The following SULF2 variants were observed in gnomAD, a reference collection of about 807,000 sequenced individuals.
SULF2 encodes the protein sulfatase 2, also known as extracellular sulfatase Sulf-2.
SULF2 carries 52 observed loss-of-function variants against 107.7 expected under a neutral mutation model. The observed-to-expected ratio is 0.48, with a 90% CI of 0.39 to 0.61. SULF2 has a LOEUF of 0.61. Among genes scored for constraint, SULF2 ranks in the 20% least tolerant of loss-of-function variants. SULF2 has a pLI of 0.00. For synonymous variants in SULF2, 460 were observed against 464.3 expected (o/e 0.99, Z 0.12); for missense variants, 993 against 1,177.3 (o/e 0.84, Z 2.29).
rs145532457 is a variant in SULF2 at position 47,663,109 on chromosome 20, G to A, written c.2331C>T (p.Gly777=). Residue 777 remains glycine (G), a synonymous_variant, in exon 17 of 21, where the codon GGC becomes GGT. Transcript: ENST00000688720. ...HNFLFCEFAT[G]FLEYFDLNTD... ...TGTTGAGATCAAAGTACTCTAGGAA[G>A]CCAGTTGCAAATTCACAGAAGAGGA... is the stretch of plus-strand genomic sequence containing the variant. 11 of 1,614,020 alleles carry A rather than the reference G, an allele frequency of 6.8e-6. No individual in the cohort carries two copies.
intron 4 of SULF2, among the ~76,000 whole-genome samples, chr20:47,698,919 T>A (rs1039058944): frequency 1.3e-5 from 2 of 152,100 alleles, no homozygotes; most frequent in African/African-American, 4.8e-5. Context: ...TAATCCCAGC[T>A]ACTCAGGAGG....
chr20:47,681,261 T>C (rs764396462), intron 7 of SULF2, among the ~76,000 whole-genome samples: 1 of 152,232 alleles, frequency 6.6e-6, no homozygotes, highest in Non-Finnish European at 1.5e-5. Context: ...AGTTACTGTG[T>C]TCCTTTTATC....
chr20:47,677,169 A>G, intron 8 of SULF2, 35 bp from the exon 9 acceptor site: 1 of 1,611,924 alleles, frequency 6.2e-7, no homozygotes, highest in Non-Finnish European at 8.5e-7. Context: ...TCTCAGCAAC[A>G]TGAGGGCTTC....
rs147031935 is a variant in SULF2 at position 47,704,074 on chromosome 20, G to C, written c.416-1404C>G. Among the ~76,000 whole-genome samples, 152 of 152,258 alleles carry C rather than the reference G, an allele frequency of 1.0e-3. No individual in the cohort carries two copies. In the Middle Eastern group the frequency reaches 0.01, roughly 10 times the overall value. On this transcript the variant is annotated intron_variant, in intron 3 of 20. Coordinates refer to ENST00000688720, the MANE Select transcript of SULF2 (RefSeq NM_001387048.1). ...GATGATCTTGTTCTATTTCTTGCTG[G>C]AGCAGGTGGTTCAGTTGGTGACACC...
rs377595145 is a variant in SULF2 at position 47,728,289 on chromosome 20, A to T, written c.415+8414T>A. On this transcript the variant is annotated intron_variant, in intron 3 of 20. Transcript: ENST00000688720. ...GAGCAGGGAGCAAACCCAGGAGAAG[A>T]GCCAAGCAAAGAGAAGGCTGCCATT... Among the ~76,000 whole-genome samples, 15 of 152,232 alleles carry T rather than the reference A, an allele frequency of 9.9e-5. No homozygotes were observed. In the East Asian group the frequency reaches 2.3e-3, roughly 24 times the overall value.
intron 1 of SULF2, among the ~76,000 whole-genome samples, chr20:47,779,070 C>CA (rs1176074761): frequency 3.9e-5 from 6 of 152,176 alleles, no homozygotes; most frequent in Non-Finnish European, 8.8e-5. Context: ...TCCTCCTCCC[C>CA]AAAACCTTCT....
At chr20:47,708,498 G>C (rs2088821926) in intron 3 of SULF2, among the ~76,000 whole-genome samples, 1 of 152,174 alleles carries the variant, frequency 6.6e-6, no homozygotes, top group South Asian at 2.1e-4. Context: ...TGCCTTTTGT[G>C]CATTTTCCTG....
chr20:47,738,708 A>G (rs2089805901), intron 2 of SULF2, among the ~76,000 whole-genome samples: 1 of 152,214 alleles, frequency 6.6e-6, no homozygotes, highest in African/African-American at 2.4e-5. Flanking sequence ...ACCGCCATGT[A>G]AGATGTGCCT....
Position 47,703,056 on chromosome 20 carries a change from T to C in SULF2, c.416-386A>G, listed in dbSNP as rs553184099. 2.9e-4 allele frequency among the ~76,000 whole-genome samples: 44 copies of C among 152,236 alleles called. 2 individuals are homozygous for C. The highest frequency in any genetic ancestry group is 2.1e-3 in the East Asian group (11 of 5,186). Reference sequence around the variant, plus strand: ...CTCAGCCTCCCGAGTAATCCTCAGCTGGGATTACAGGCGTCTGCCACCATG... The same window carrying C: ...CTCAGCCTCCCGAGTAATCCTCAGCCGGGATTACAGGCGTCTGCCACCATG... On this transcript the variant is annotated intron_variant, in intron 3 of 20. Coordinates refer to ENST00000688720, the MANE Select transcript of SULF2 (RefSeq NM_001387048.1).
chr20:47,725,933 C>T (rs1299057388), intron 3 of SULF2, among the ~76,000 whole-genome samples: 1 of 152,228 alleles, frequency 6.6e-6, no homozygotes, highest in Non-Finnish European at 1.5e-5. Flanking sequence ...CCTGCTGGCC[C>T]CGGGATGGAT....
At position 47,658,305 on chromosome 20, in the gene SULF2, T is replaced by C; in HGVS notation, c.*57A>G. On this transcript the variant is annotated 3_prime_UTR_variant, in exon 21 of 21. Transcript: ENST00000688720. ...TGGAAATCACCCACATGGTTTTTCA[T>C]TGCCTGTGCAGTCAGGTGATGCCTC... 3.8e-6 allele frequency: 6 copies of C among 1,589,994 alleles called. No individual in the cohort carries two copies. The highest frequency in any genetic ancestry group is 5.2e-6 in the Non-Finnish European group (6 of 1,158,004).
intron 11 of SULF2, among the ~76,000 whole-genome samples, chr20:47,668,997 C>G (rs1213369226): frequency 6.6e-6 from 1 of 152,214 alleles, no homozygotes; most frequent in Admixed American, 6.5e-5. Flanking sequence ...CATTAAATGT[C>G]CATTGAGCGC....
Position 47,668,113 on chromosome 20 carries a change from C to T in SULF2, c.1577-1625G>A, listed in dbSNP as rs73624693. Among the ~76,000 whole-genome samples, 38 of 152,306 alleles carry T rather than the reference C, an allele frequency of 2.5e-4. No individual in the cohort carries two copies. In the East Asian group the frequency reaches 5.8e-3, roughly 23 times the overall value. On this transcript the variant is annotated intron_variant, in intron 11 of 20. Coordinates refer to ENST00000688720, the MANE Select transcript of SULF2 (RefSeq NM_001387048.1). ...TCCCTGTGCCAAGCAGGTCCTGCCC[C>T]GAGAGGCTCAGGAAATAGACCCAGC...
intron 20 of SULF2, among the ~76,000 whole-genome samples, 180 bp from the exon 21 acceptor site, chr20:47,658,572 C>A (rs976958077): frequency 1.3e-5 from 2 of 152,128 alleles, no homozygotes; most frequent in African/African-American, 4.8e-5. Flanking sequence ...ACTTATACAC[C>A]CAATGCCTGG....
intron 10 of SULF2, among the ~76,000 whole-genome samples, 198 bp downstream of exon 10, chr20:47,676,296 A>G (rs1018368662): frequency 1.3e-5 from 2 of 152,234 alleles, no homozygotes; most frequent in African/African-American, 2.4e-5. Context: ...TCAGGGTCCA[A>G]AGGCTGCTGA....
rs1456593445 is a variant in SULF2, at chr20:47,677,429, T to TGC, written c.1194-297_1194-296dup. On this transcript the variant is annotated intron_variant, in intron 8 of 20. Coordinates refer to ENST00000688720, the MANE Select transcript of SULF2 (RefSeq NM_001387048.1). ...GTGTGTGTGTGTGTGTGTGTGTGTG[T>TGC]GCGCGCACACACATCTCAAGCCCCT... Among the ~76,000 whole-genome samples, 37 of 148,700 alleles carry TGC rather than the reference T, an allele frequency of 2.5e-4. 1 individual carries two copies. The South Asian group carries it at 3.2e-3, about 13-fold the overall frequency.
chr20:47,688,211 C>T, intron 5 of SULF2, among the ~76,000 whole-genome samples: 1 of 152,172 alleles, frequency 6.6e-6, no homozygotes, highest in East Asian at 1.9e-4. Flanking sequence ...CGCCCCGGCT[C>T]TGTCCCCTCT....
chr20:47,745,498 A>G (rs6094806), intron 2 of SULF2, among the ~76,000 whole-genome samples: 31,076 of 122,678 alleles, frequency 0.25, 5,795 homozygotes, highest in African/African-American at 0.45. Flanking sequence ...CTTGACATAC[A>G]GAAAGCACTT....
intron 16 of SULF2, 33 bp downstream of exon 16, chr20:47,663,420 C>T: frequency 6.2e-7 from 1 of 1,604,056 alleles, no homozygotes; most frequent in Non-Finnish European, 8.5e-7. Context: ...CCCTGGGCCT[C>T]AGCCTGTCCA....
Sources: gnomAD v4.1 joint callset for allele counts (sites outside exome capture counted in the v4.1 genomes callset) on GRCh38, gnomAD v4.1.1 for gene constraint, MANE v1.5 for transcripts, NCBI Gene and HGNC (gene_info 2026-07-23, HGNC 2026-07-21) for gene names.